Variants in KDM2B observed in about 807,000 individuals in gnomAD.
The protein encoded by KDM2B is lysine demethylase 2B.
A neutral mutation model predicts 150.0 loss-of-function variants in KDM2B; 26 were observed. The observed-to-expected ratio is 0.17, with a 90% CI of 0.13 to 0.24. KDM2B has a LOEUF of 0.24. KDM2B is among the 10% of genes least tolerant of loss of function. The pLI is 1.00. For synonymous variants in KDM2B, 734 were observed against 729.5 expected, an observed-to-expected ratio of 1.01 and a Z score of -0.10; for missense variants, 1,265 against 1,816.9, an observed-to-expected ratio of 0.70 and a Z score of 5.52.
chr12:121,527,790 T>C (rs1427862530), intron 8 of KDM2B, among the ~76,000 whole-genome samples: 2 of 151,946 alleles, frequency 1.3e-5, no homozygotes, highest in Non-Finnish European at 2.9e-5. Flanking sequence ...AGTAAGACCC[T>C]GACTCAATAA....
At chr12:121,552,329 C>T (rs1321778911) in intron 4 of KDM2B, among the ~76,000 whole-genome samples, 1 of 152,134 alleles carries the variant, frequency 6.6e-6, no homozygotes, top group African/African-American at 2.4e-5. Context: ...CCAGGTTCCT[C>T]TCCCATCCCC....
At chr12:121,496,359 T>C (rs1431932714) in intron 11 of KDM2B, among the ~76,000 whole-genome samples, 1 of 152,052 alleles carries the variant, frequency 6.6e-6, no homozygotes, top group Non-Finnish European at 1.5e-5. Flanking sequence ...GAGTAAATCA[T>C]ACAGAAGCAC....
intron 12 of KDM2B, among the ~76,000 whole-genome samples, chr12:121,454,030 G>A (rs781874897): frequency 1.1e-4 from 8 of 73,678 alleles, no homozygotes; most frequent in South Asian, 9.6e-4. Flanking sequence ...CCCCACCCCC[G>A]CCCAAGCCAC....
rs1877757010 is a variant in KDM2B at position 121,453,827 on chromosome 12, C to T, written c.1735-483G>A. On this transcript the variant is annotated intron_variant, in intron 12 of 22. Coordinates refer to ENST00000377071, the MANE Select transcript of KDM2B (RefSeq NM_032590.5). This position sits in a 1 kb window ranked among gnomAD's most constrained non-coding sequence, Gnocchi z 6.4. ...GAGAAGAAAGGCCGGTTGTTTTAAGCCACCCGTTATGGCAGCCCTAGGAGA... is the reference window on the plus strand; with the variant it reads ...GAGAAGAAAGGCCGGTTGTTTTAAGTCACCCGTTATGGCAGCCCTAGGAGA... Among the ~76,000 whole-genome samples, 1 of 152,204 alleles carries T rather than the reference C, an allele frequency of 6.6e-6. No individual in the cohort carries two copies. The highest frequency in any genetic ancestry group is 2.4e-5 in the African/African-American group (1 of 41,450).
At chr12:121,420,277 T>A in the KDM2B span, 2 of 1,582,396 alleles carry the variant, frequency 1.3e-6, no homozygotes, top group Non-Finnish European at 1.7e-6. Context: ...ACACAGAAGA[T>A]GATGATGACG....
At chr12:121,496,730 A>C (rs1332809870) in intron 11 of KDM2B, among the ~76,000 whole-genome samples, 1 of 152,134 alleles carries the variant, frequency 6.6e-6, no homozygotes, top group African/African-American at 2.4e-5. Flanking sequence ...GGGCTCAAGC[A>C]AAACACCTGC....
At chr12:121,557,754 G>A (rs1340088777) in intron 4 of KDM2B, among the ~76,000 whole-genome samples, 1 of 152,176 alleles carries the variant, frequency 6.6e-6, no homozygotes, top group Non-Finnish European at 1.5e-5. Context: ...CTAGCCTGCA[G>A]AAGTGTGAGA....
chr12:121,478,866 T>TTGTGTGTGTGTGTG (rs71874668), intron 12 of KDM2B, among the ~76,000 whole-genome samples: 2,452 of 131,146 alleles, frequency 0.019, 57 homozygotes, highest in East Asian at 0.071. Context: ...TTTTGTTTGT[T>TTGTGTGTGTGTGTG]TGTGTGTGTG....
Position 121,443,705 on chromosome 12 carries a change from G to T in KDM2B, c.2540C>A (p.Ser847Tyr). 2 of 1,611,282 alleles carry T rather than the reference G, an allele frequency of 1.2e-6. No homozygotes were observed. Among genetic ancestry groups the T allele is most frequent in the Non-Finnish European group, 1.7e-6 (2 of 1,179,164 alleles). ...LGSSLSPWWR[S>Y]SLTYFQQQLK... ...CTGCTGCTGGAAGTAAGTGAGACTG[G>T]ATCTCCACCAGGGGCTGAGGCTGCT... The change falls in exon 17 of 23, where the codon TCC becomes TAC. Residue 847 changes from serine (S) to tyrosine (Y), a missense_variant. This residue lies in a region of KDM2B where 418 missense variants were observed against 402.4 expected (regional missense o/e 1.04). Coordinates refer to ENST00000377071, the MANE Select transcript of KDM2B (RefSeq NM_032590.5).
At chr12:121,532,990 G>A (rs1555308098) in intron 7 of KDM2B, 31 bp from the exon 8 acceptor site, 1 of 1,612,996 alleles carries the variant, frequency 6.2e-7, no homozygotes, top group Non-Finnish European at 8.5e-7. Flanking sequence ...GTCAGCTGGA[G>A]ACCCAGGCCC....
chr12:121,536,660 G>GTTTTTTT (rs71079076), intron 6 of KDM2B, among the ~76,000 whole-genome samples: 1 of 141,596 alleles, frequency 7.1e-6, no homozygotes, highest in Non-Finnish European at 1.6e-5. Flanking sequence ...CTTCGTCTTG[G>GTTTTTTT]TTTTTTTTTT....
chr12:121,558,455 CTTTT>C (rs62698361), intron 4 of KDM2B, among the ~76,000 whole-genome samples: 2 of 135,518 alleles, frequency 1.5e-5, no homozygotes. Context: ...TTTTCTTTTT[CTTTT>C]TTTTTTTTTT....
chr12:121,445,242 G>A (rs782593161), intron 14 of KDM2B, 33 bp downstream of exon 14: 19 of 1,605,358 alleles, frequency 1.2e-5, no homozygotes, highest in Middle Eastern at 1.7e-4. Context: ...GCCCCAGAGC[G>A]TCAGCACCAC....
At chr12:121,474,380 G>T (rs1881113360) in intron 12 of KDM2B, among the ~76,000 whole-genome samples, 1 of 152,106 alleles carries the variant, frequency 6.6e-6, no homozygotes, top group African/African-American at 2.4e-5. Flanking sequence ...GCTGGGCGCG[G>T]TAGCGGGTGC....
At chr12:121,457,310 G>A (rs536424585) in intron 12 of KDM2B, among the ~76,000 whole-genome samples, 32 of 151,722 alleles carry the variant, frequency 2.1e-4, no homozygotes, top group Admixed American at 1.2e-3. Flanking sequence ...CACCCAGGCC[G>A]GAGTGCAGTG....
At chr12:121,554,686 C>A (rs368992658) in intron 4 of KDM2B, among the ~76,000 whole-genome samples, 1 of 152,138 alleles carries the variant, frequency 6.6e-6, no homozygotes, top group Non-Finnish European at 1.5e-5. Flanking sequence ...GCTGGGATTA[C>A]AGGCGTGAGC....
rs2136762203 is a variant in KDM2B, at chr12:121,580,886, G to A, written c.26C>T (p.Ser9Phe). 2 of 1,613,862 alleles carry A rather than the reference G, an allele frequency of 1.2e-6. No individual in the cohort carries two copies. Among genetic ancestry groups the A allele is most frequent in the Non-Finnish European group, 1.7e-6 (2 of 1,179,896 alleles). The stretch of plus-strand genomic sequence containing the variant: ...TTTTCGTGGGGGGTGATCCTCTGCA[G>A]ATCCCCCCATTTGCGGACCCGCCAT... Reference protein sequence around the residue: MAGPQMGGSAEDHPPRKRH... With the variant: MAGPQMGGFAEDHPPRKRH... The change falls in exon 1 of 23, where the codon TCT becomes TTT. Residue 9 changes from serine (S) to phenylalanine (F), a missense_variant. By Grantham distance (155) the Ser-to-Phe change is radical. Coordinates refer to ENST00000377071, the MANE Select transcript of KDM2B (RefSeq NM_032590.5).
intron 14 of KDM2B, 83 bp from the exon 15 acceptor site, chr12:121,444,619 C>T (rs1875824216): frequency 1.8e-6 from 2 of 1,113,972 alleles, no homozygotes; most frequent in East Asian, 2.4e-5. Flanking sequence ...CCACGTCTTC[C>T]AGAAGCAGCA....
Position 121,467,071 on chromosome 12 carries a change from G to A in KDM2B, c.1735-13727C>T. The A allele has an allele frequency of 1.4e-6, 1 of 714,026 alleles. No homozygotes were observed. The highest frequency in any genetic ancestry group is 1.8e-6 in the Non-Finnish European group (1 of 560,356). The allele number at this position is 714,026 out of a possible 1,614,324, so 44.2% of individuals were successfully genotyped here. A position where few individuals can be genotyped will look rare whatever the true frequency, so the allele number is the denominator to read the frequency against. On this transcript the variant is annotated intron_variant, in intron 12 of 22. Transcript: ENST00000377071. This position sits in a 1 kb window ranked among gnomAD's most constrained non-coding sequence, Gnocchi z 5.1. ...CTTTCTCCTCATCGCGGCGGCGGCG[G>A]CGTCGCGGCCGCCCTCGGCGCGTCA...
Sources: allele counts gnomAD v4.1 joint callset (sites outside exome capture counted in the v4.1 genomes callset), GRCh38; gene constraint gnomAD v4.1.1; regional missense constraint gnomAD v4.1.1; non-coding constraint Gnocchi (gnomAD v3.1); transcripts MANE v1.5; gene names NCBI Gene and HGNC (gene_info 2026-07-23, HGNC 2026-07-21).